TDRD1: variants seen among roughly 807,000 people sequenced by gnomAD.
TDRD1 encodes the protein tudor domain-containing protein 1.
Under a neutral mutation model 140.6 loss-of-function variants are expected in TDRD1, and 37 were observed. That is an observed-to-expected ratio of 0.26 (90% CI 0.20 to 0.35). The LOEUF (loss-of-function observed/expected upper bound fraction) is 0.35. Among genes scored for constraint, TDRD1 ranks in the 10% least tolerant of loss-of-function variants. TDRD1 has a pLI of 1.00. For synonymous variants in TDRD1, 506 were observed against 475.7 expected, an observed-to-expected ratio of 1.06 and a Z score of -0.83; for missense variants, 1,243 against 1,393.0, an observed-to-expected ratio of 0.89 and a Z score of 1.71.
At chr10:114,218,509 A>G (rs1442411779) in exon 18 of TDRD1, 3 of 1,612,596 alleles carry the variant, frequency 1.9e-6, no homozygotes, top group Non-Finnish European at 8.5e-7. Context: ...CGAAGAAGTT[A>G]CTGCAGATGA....
chr10:114,211,888 C>T (rs776085635), exon 14 of TDRD1: 1 of 1,579,338 alleles, frequency 6.3e-7, no homozygotes, highest in Admixed American at 1.9e-5. Flanking sequence ...GGTACCGTGC[C>T]TCTGTTTTGG....
intron 11 of TDRD1, among the ~76,000 whole-genome samples, chr10:114,208,425 TCA>T (rs1203600927): frequency 1.3e-5 from 2 of 152,216 alleles, no homozygotes; most frequent in African/African-American, 4.8e-5. Flanking sequence ...TGTGCCTCTG[TCA>T]CACAATTAAA....
rs1396043539 is a variant in TDRD1, at chr10:114,199,326, A to G, written c.529+9A>G. 1.9e-6 allele frequency: 3 copies of G among 1,589,436 alleles called. No homozygotes were observed. Among genetic ancestry groups the G allele is most frequent in the East Asian group, 2.2e-5 (1 of 44,686 alleles). On this transcript the variant is annotated intron_variant, in intron 4 of 25. Coordinates refer to ENST00000251864, the Ensembl canonical transcript of TDRD1. ...TCGCTGTGGCCTATTTGGTAAGCAT[A>G]TTGTTCTTGGGTGTCTGAATTCTTC...
At chr10:114,220,789 A>T (rs769820623) in exon 19 of TDRD1, 10 of 1,611,968 alleles carry the variant, frequency 6.2e-6, no homozygotes, top group Non-Finnish European at 8.5e-6. Context: ...AGACTTACCA[A>T]ATGACAGACT....
chr10:114,193,496 G>A (rs2034134557), intron 3 of TDRD1, among the ~76,000 whole-genome samples: 2 of 152,042 alleles, frequency 1.3e-5, no homozygotes, highest in Admixed American at 6.6e-5. Flanking sequence ...GTTTCACCAT[G>A]TTGATCAGGC....
At chr10:114,188,439 T>TG (rs374476627) in intron 2 of TDRD1, among the ~76,000 whole-genome samples, 217 of 152,294 alleles carry the variant, frequency 1.4e-3, no homozygotes, top group Middle Eastern at 6.8e-3. Context: ...TTTTTATGGG[T>TG]GTTCTAAAGA....
chr10:114,207,063 G>A (rs1038100337), intron 11 of TDRD1, among the ~76,000 whole-genome samples: 5 of 152,210 alleles, frequency 3.3e-5, no homozygotes, highest in Non-Finnish European at 7.4e-5. Context: ...TGTGTGTGTG[G>A]TTTATTTAGA....
At chr10:114,190,583 G>T (rs1238559971) in intron 2 of TDRD1, among the ~76,000 whole-genome samples, 3 of 152,342 alleles carry the variant, frequency 2.0e-5, no homozygotes, top group East Asian at 1.9e-4. Flanking sequence ...CGCCTCCCAG[G>T]TTCAAGTGGT....
At chr10:114,191,683 T>A (rs1407776532) in intron 3 of TDRD1, among the ~76,000 whole-genome samples, 1 of 152,222 alleles carries the variant, frequency 6.6e-6, no homozygotes, top group Non-Finnish European at 1.5e-5. Context: ...CTATATCCAT[T>A]TATGTACAGA....
chr10:114,193,209 T>C (rs2120309147), intron 3 of TDRD1, among the ~76,000 whole-genome samples: 1 of 152,236 alleles, frequency 6.6e-6, no homozygotes, highest in African/African-American at 2.4e-5. Context: ...GTTGTATTTC[T>C]TTCCCCATGT....
At chr10:114,232,226 A>G (rs541018426) in exon 26 of TDRD1, 79 of 152,056 alleles carry the variant, frequency 5.2e-4, no homozygotes, top group African/African-American at 1.8e-3. Flanking sequence ...ACAACCTTAG[A>G]AATCTGTAGC....
chr10:114,175,838 A>AT (rs1325256405), upstream of TDRD1, among the ~76,000 whole-genome samples: 3 of 152,142 alleles, frequency 2.0e-5, no homozygotes, highest in South Asian at 2.1e-4. Flanking sequence ...GAGTGCATTT[A>AT]TTTTTTTTAA....
At chr10:114,226,761 G>C (rs769571626) in intron 22 of TDRD1, among the ~76,000 whole-genome samples, 1 of 152,256 alleles carries the variant, frequency 6.6e-6, no homozygotes, top group Non-Finnish European at 1.5e-5. Context: ...CATACCGATT[G>C]CTTCATGGTC....
intron 21 of TDRD1, among the ~76,000 whole-genome samples, chr10:114,224,023 C>T (rs1443351892): frequency 6.6e-6 from 1 of 152,202 alleles, no homozygotes; most frequent in East Asian, 1.9e-4. Context: ...ATTTCTTCTT[C>T]CTTCGTCCCA....
intron 1 of TDRD1, among the ~76,000 whole-genome samples, chr10:114,183,148 A>G (rs963270444): frequency 6.6e-6 from 1 of 152,188 alleles, no homozygotes; most frequent in Non-Finnish European, 1.5e-5. Flanking sequence ...GGTAACTGTA[A>G]TACAGGGTAT....
intron 8 of TDRD1, 63 bp downstream of exon 8, chr10:114,203,630 C>A: frequency 7.0e-7 from 1 of 1,419,920 alleles, no homozygotes; most frequent in Non-Finnish European, 9.6e-7. Context: ...ATGAACTGAA[C>A]ACCAGAGCTT....
chr10:114,203,367 C>T, intron 7 of TDRD1, 21 bp from the exon 8 acceptor site: 2 of 1,550,136 alleles, frequency 1.3e-6, no homozygotes, highest in African/African-American at 1.4e-5. Context: ...AATTATTCCT[C>T]TTTTTTTTTA....
rs564662821 is a variant in TDRD1, at chr10:114,200,655, C to G, written c.530-755C>G. Among the ~76,000 whole-genome samples, 4 of 152,186 alleles carry G rather than the reference C, an allele frequency of 2.6e-5. No homozygotes were observed. In the South Asian group the frequency reaches 6.2e-4, roughly 24 times the overall value. ...TCTCCTGCCTCAGCCTTCCAAGTAA[C>G]TGGGACTACAGGTGCGCACCACCAC... On this transcript the variant is annotated intron_variant, in intron 4 of 25. Coordinates refer to ENST00000251864, the Ensembl canonical transcript of TDRD1.
At chr10:114,213,499 G>T (rs1471596016) in exon 15 of TDRD1, 1 of 1,614,006 alleles carries the variant, frequency 6.2e-7, no homozygotes, top group Non-Finnish European at 8.5e-7. Context: ...CCTCATGTCA[G>T]TGTTAGCAAA....
Sources: allele counts gnomAD v4.1 joint callset (sites outside exome capture counted in the v4.1 genomes callset), GRCh38; gene constraint gnomAD v4.1.1; transcripts MANE v1.5; gene names NCBI Gene and HGNC (gene_info 2026-07-23, HGNC 2026-07-21).